Variants in DNAH3 observed in about 807,000 individuals in gnomAD.
DNAH3 encodes the protein axonemal beta dynein heavy chain 3.
In DNAH3, 332 loss-of-function variants were observed where a neutral mutation model predicts 432.5. The observed-to-expected ratio is 0.77, with a 90% confidence interval of 0.70 to 0.84. The LOEUF (loss-of-function observed/expected upper bound fraction) is 0.84. Ranked by LOEUF, DNAH3 falls within the 40% of genes least tolerant of loss-of-function variation. DNAH3 has a pLI of 0.00. For missense variants in DNAH3, 4,861 were observed against 5,114.0 expected (o/e 0.95, Z 1.51); for synonymous variants, 1,956 against 1,900.2 (o/e 1.03, Z -0.76).
At chr16:21,156,950 CA>C (rs2092901723) in intron 1 of DNAH3, among the ~76,000 whole-genome samples, 1 of 150,362 alleles carries the variant, frequency 6.7e-6, no homozygotes, top group Non-Finnish European at 1.5e-5. Context: ...CTTTCCAAAG[CA>C]ACTTCCATTT....
chr16:21,134,182 T>C (rs2092608859), intron 7 of DNAH3, 77 bp downstream of exon 8: 2 of 1,426,304 alleles, frequency 1.4e-6, no homozygotes, highest in East Asian at 4.6e-5. Flanking sequence ...ACCCCCACTG[T>C]GCACAGCAGA....
chr16:21,134,537 A>G lies in DNAH3; in HGVS notation c.887-83T>C. On this transcript the variant is annotated intron_variant, in intron 6 of 61. Coordinates refer to ENST00000261383, the Ensembl canonical transcript of DNAH3. ...TTCAACTCATTTAGTTTTGTTTTTA[A>G]TATAGAGACGGGGTCTCACTAAGTT... The G allele has an allele frequency of 4.5e-6, 6 of 1,339,866 alleles. No homozygotes were observed. In the South Asian group the frequency reaches 7.2e-5, roughly 16 times the overall value. The allele number at this position is 1,339,866 out of a possible 1,614,324, so 83.0% of individuals were successfully genotyped here.
At chr16:21,143,857 T>C (rs1343420944) in intron 3 of DNAH3, among the ~76,000 whole-genome samples, 1 of 151,938 alleles carries the variant, frequency 6.6e-6, no homozygotes, top group Non-Finnish European at 1.5e-5. Flanking sequence ...AATCAGAAAA[T>C]TTGAAATGGA....
intron 10 of DNAH3, among the ~76,000 whole-genome samples, chr16:21,121,591 T>A (rs1022666713): frequency 2.0e-5 from 3 of 151,962 alleles, no homozygotes; most frequent in Non-Finnish European, 4.4e-5. Flanking sequence ...GGTCTTTTTT[T>A]TTTTTTCTTT....
Position 21,020,348 on chromosome 16 carries a change from G to GTGTGTGTGTGTGTGTATATATA in DNAH3, c.5777-480_5777-479insTATATATACACACACACACACA. Among the ~76,000 whole-genome samples the GTGTGTGTGTGTGTGTATATATA allele has an allele frequency of 5.8e-5, 4 of 69,158 alleles. No homozygotes were observed. The South Asian group carries it at 1.9e-3, about 33-fold the overall frequency. 45.4% of individuals were successfully genotyped at this position (69,158 alleles called of 152,430 possible). A position where few individuals can be genotyped will look rare whatever the true frequency, so the allele number is the denominator to read the frequency against. ...ACTGCTGTATAATAATATAGTGTGT[G>GTGTGTGTGTGTGTGTATATATA]TATATATATATATATATATAAAATC... On this transcript the variant is annotated intron_variant, in intron 40 of 61. Coordinates refer to ENST00000261383, the Ensembl canonical transcript of DNAH3.
rs576639357 is a variant in DNAH3 at position 21,129,146 on chromosome 16, C to T, written c.1083-1334G>A. ...TCCTGTCCTGCCTGTCACCTCCCCC[C>T]CTCCCCATCTCCTCTCCTACCCACC... On this transcript the variant is annotated intron_variant, in intron 7 of 61. Coordinates refer to ENST00000261383, the Ensembl canonical transcript of DNAH3. 2.8e-3 allele frequency: 431 copies of T among 153,094 alleles called. 14 individuals are homozygous for T. The highest frequency in any genetic ancestry group is 0.01 in the Middle Eastern group (3 of 298). 9.5% of individuals were successfully genotyped at this position (153,094 alleles called of 1,614,324 possible). A position where few individuals can be genotyped will look rare whatever the true frequency, so the allele number is the denominator to read the frequency against.
chr16:20,959,197 C>T lies in DNAH3; in HGVS notation c.10808G>A (p.Ser3603Asn), dbSNP rs747998205. 8.1e-6 allele frequency: 13 copies of T among 1,614,078 alleles called. No individual in the cohort carries two copies. In the South Asian group the frequency reaches 1.2e-4, roughly 15 times the overall value. ...ATCTCACCTGAATCTGGCATTGGTG[C>T]TCTCAGGAACAATCACCTCCTCACA... The change falls in exon 54 of 62, where the codon AGC becomes AAC. Residue 3603 changes from serine (S) to asparagine (N), a missense_variant. Ser to Asn is a conservative substitution (Grantham distance 46). Coordinates refer to ENST00000261383, the Ensembl canonical transcript of DNAH3.
chr16:20,964,395 T>G (rs146500368), exon 53 of DNAH3: 2 of 1,614,154 alleles, frequency 1.2e-6, no homozygotes, highest in African/African-American at 1.3e-5. Context: ...CCCTGGAATA[T>G]TCAATGATGT....
chr16:21,024,853 T>C, intron 38 of DNAH3, 152 bp from the exon 39 acceptor site: 1 of 662,366 alleles, frequency 1.5e-6, no homozygotes, highest in East Asian at 2.8e-5. Context: ...CCACGTTGAA[T>C]CTTGTGTTCA....
rs926709574 is a variant in DNAH3 at position 21,097,697 on chromosome 16, G to A, written c.2521-198C>T. Among the ~76,000 whole-genome samples the A allele has an allele frequency of 7.9e-5, 12 of 152,154 alleles. 1 individual carries two copies. Among genetic ancestry groups the A allele is most frequent in the Admixed American group, 5.9e-4 (9 of 15,270 alleles). On this transcript the variant is annotated intron_variant, in intron 17 of 61. Transcript: ENST00000261383. ...ACCTCCAAGGACCTTGGCAGCTGAG[G>A]TCTGTCTGGTTGAAACTGTAGGATA...
chr16:20,989,067 C>G (rs3103814), intron 44 of DNAH3, among the ~76,000 whole-genome samples: 1 of 152,052 alleles, frequency 6.6e-6, no homozygotes, highest in Non-Finnish European at 1.5e-5. Context: ...CTGCAAAGAG[C>G]GAAAGAACAA....
intron 35 of DNAH3, 110 bp downstream of exon 35, chr16:21,036,604 A>T: frequency 2.0e-6 from 2 of 1,013,316 alleles, no homozygotes; most frequent in Non-Finnish European, 1.5e-6. Context: ...ATTTCTACAC[A>T]GGCACCTCTG....
At chr16:21,014,231 C>T (rs2087753074) in intron 41 of DNAH3, among the ~76,000 whole-genome samples, 1 of 152,106 alleles carries the variant, frequency 6.6e-6, no homozygotes, top group South Asian at 2.1e-4. Flanking sequence ...AAAAGTATTA[C>T]ACACCACAAT....
At chr16:21,103,078 C>T (rs1230541728) in intron 16 of DNAH3, among the ~76,000 whole-genome samples, 1 of 151,930 alleles carries the variant, frequency 6.6e-6, no homozygotes, top group Non-Finnish European at 1.5e-5. Flanking sequence ...GAAAACCAAA[C>T]ATCGTATATT....
intron 15 of DNAH3, among the ~76,000 whole-genome samples, chr16:21,105,766 C>G (rs564606209): frequency 1.3e-5 from 2 of 150,904 alleles, no homozygotes; most frequent in East Asian, 3.9e-4. Flanking sequence ...TCTGTCTCGA[C>G]AAAAAAAATA....
chr16:21,067,760 G>T (rs34716224), intron 23 of DNAH3, among the ~76,000 whole-genome samples: 3 of 49,548 alleles, frequency 6.1e-5, no homozygotes. Flanking sequence ...CCAGTCTTGG[G>T]GGGGGGGGTG....
intron 32 of DNAH3, among the ~76,000 whole-genome samples, chr16:21,040,879 T>G (rs2089413066): frequency 6.6e-6 from 1 of 152,208 alleles, no homozygotes; most frequent in Non-Finnish European, 1.5e-5. Context: ...TGCATTATTA[T>G]CTTAGATCTT....
At chr16:21,105,124 G>A (rs2091917236) in intron 15 of DNAH3, among the ~76,000 whole-genome samples, 1 of 152,118 alleles carries the variant, frequency 6.6e-6, no homozygotes, top group Non-Finnish European at 1.5e-5. Context: ...GGGAGGCAGA[G>A]CCCACAGTGA....
chr16:20,992,052 C>T (rs998342083), intron 44 of DNAH3, among the ~76,000 whole-genome samples: 1 of 152,174 alleles, frequency 6.6e-6, no homozygotes, highest in Non-Finnish European at 1.5e-5. Context: ...TCAGAGAATG[C>T]CTGATTCTTT....
Sources: gnomAD v4.1 joint callset for allele counts (sites outside exome capture counted in the v4.1 genomes callset) on GRCh38, gnomAD v4.1.1 for gene constraint, MANE v1.5 for transcripts, NCBI Gene and HGNC (gene_info 2026-07-23, HGNC 2026-07-21) for gene names.